The following TMPRSS2 variants were observed in gnomAD, a reference collection of about 807,000 sequenced individuals.
TMPRSS2 encodes transmembrane serine protease 2, also known as transmembrane protease serine 2.
In TMPRSS2, 59 loss-of-function variants were observed where a neutral mutation model predicts 67.4. The ratio of observed to expected loss-of-function variants is 0.88; its 90% CI spans 0.71 to 1.09. The LOEUF (loss-of-function observed/expected upper bound fraction) is 1.09, where lower values mean the gene tolerates loss of function less well. TMPRSS2 is among the 50% of genes least tolerant of loss of function. The pLI is 0.00. For synonymous variants in TMPRSS2, 257 were observed against 257.0 expected (o/e 1.00, Z 0.00); for missense variants, 668 against 642.7 (o/e 1.04, Z -0.43).
At chr21:41,468,659 C>T (rs1249362402) in intron 11 of TMPRSS2, 121 bp from the exon 12 acceptor site, 5 of 1,163,016 alleles carry the variant, frequency 4.3e-6, no homozygotes, top group Admixed American at 4.7e-5. Context: ...TATTTTCCAG[C>T]CCTGCCCCGG....
intron 7 of TMPRSS2, among the ~76,000 whole-genome samples, chr21:41,477,949 C>T (rs2091227939): frequency 6.6e-6 from 1 of 152,148 alleles, no homozygotes; most frequent in South Asian, 2.1e-4. Flanking sequence ...CTTCCAAGCC[C>T]TCCAGCCTCC....
intron 2 of TMPRSS2, among the ~76,000 whole-genome samples, chr21:41,496,917 C>T (rs537935645): frequency 3.4e-5 from 5 of 146,912 alleles, no homozygotes; most frequent in East Asian, 2.0e-4. Context: ...CTTGGCTCAC[C>T]GCAACCTCTG....
intron 3 of TMPRSS2, among the ~76,000 whole-genome samples, chr21:41,493,036 C>T (rs577570888): frequency 3.9e-5 from 6 of 152,292 alleles, no homozygotes; most frequent in Admixed American, 2.0e-4. Context: ...TTGTGCCTTG[C>T]GGGAGGTTGA....
In TMPRSS2 at chr21:41,479,266, T is replaced by C. The variant is rs1357188580; in HGVS notation, c.589A>G (p.Ser197Gly). The change falls in exon 7 of 14, where the codon AGC (serine) becomes GGC (glycine). Residue 197 changes from serine to glycine, a missense_variant. Physicochemically the swap from Ser to Gly is moderately conservative, Grantham distance 56. Coordinates refer to ENST00000332149, the MANE Select transcript of TMPRSS2 (RefSeq NM_005656.4). ...CCGCTGTCATCCACTATTCCTTGGCTAGAGTAAAAATTATTCCTAAAAAAG... is the reference window on the plus strand; with the variant it reads ...CCGCTGTCATCCACTATTCCTTGGCCAGAGTAAAAATTATTCCTAAAAAAG... ...DMGYKNNFYS[S>G]QGIVDDSGST... 1 of 1,613,658 alleles carries C rather than the reference T, an allele frequency of 6.2e-7. No homozygotes were observed.
rs778525582 is a variant in TMPRSS2, at chr21:41,473,392, C to T, written c.832G>A (p.Val278Ile). 12 of 1,610,026 alleles carry T rather than the reference C, an allele frequency of 7.5e-6. No individual in the cohort carries two copies. The highest frequency in any genetic ancestry group is 2.7e-5 in the African/African-American group (2 of 74,888). The change falls in exon 9 of 14, where the codon GTC (valine) becomes ATC (isoleucine). Residue 278 changes from valine (V) to isoleucine (I), a missense_variant. Coordinates refer to ENST00000332149, the MANE Select transcript of TMPRSS2 (RefSeq NM_005656.4). ...ATGATGGAGCCTCCGCACACGTGGA[C>T]GTTCTGGACGTGCAGGCTGACCTGC... The part of the protein sequence containing the change: ...PWQVSLHVQN[V>I]HVCGGSIITP...
rs748571451 is a variant in TMPRSS2, at chr21:41,480,525, C to A, written c.523G>T (p.Asp175Tyr). Residue 175 changes from aspartate (D) to tyrosine (Y), a missense_variant, in exon 6 of 14, where the codon GAC (aspartate) becomes TAC (tyrosine). Asp to Tyr is a radical substitution (Grantham distance 160, BLOSUM62 -3). Transcript: ENST00000332149. ...GCCCGCCCGTAGTTCTCGTTCCAGT[C>A]GTCTTGGCACACAGGGTGCCAGGAC... ...RKSWHPVCQDDWNENYGRAAC... is the reference protein window; with the variant it reads ...RKSWHPVCQDYWNENYGRAAC... 5 of 1,613,734 alleles carry A rather than the reference C, an allele frequency of 3.1e-6. No homozygotes were observed. Among genetic ancestry groups the A allele is most frequent in the South Asian group, 1.1e-5 (1 of 91,070 alleles).
chr21:41,476,205 G>GC (rs2146444181), intron 8 of TMPRSS2, among the ~76,000 whole-genome samples: 2 of 152,298 alleles, frequency 1.3e-5, no homozygotes, highest in South Asian at 4.1e-4. Flanking sequence ...CTGGACCACA[G>GC]CCCCGCAGAT....
intron 11 of TMPRSS2, among the ~76,000 whole-genome samples, chr21:41,470,232 C>T (rs2091120002): frequency 6.6e-6 from 1 of 152,162 alleles, no homozygotes; most frequent in Non-Finnish European, 1.5e-5. Flanking sequence ...CTGTGGTTAT[C>T]AGGGCAGAGG....
At chr21:41,473,778 G>A (rs374850529) in intron 8 of TMPRSS2, among the ~76,000 whole-genome samples, 6 of 150,668 alleles carry the variant, frequency 4.0e-5, no homozygotes, top group African/African-American at 9.8e-5. Context: ...AGGCCCTGGG[G>A]ACTCCTTGAG....
Position 41,480,616 on chromosome 21 carries a change from AG to A in TMPRSS2, c.446-15del, listed in dbSNP as rs2091249553. 18 of 1,613,256 alleles carry A rather than the reference AG, an allele frequency of 1.1e-5. No individual in the cohort carries two copies. The highest frequency in any genetic ancestry group is 1.4e-5 in the Non-Finnish European group (17 of 1,179,920). On this transcript the variant is annotated splice_polypyrimidine_tract_variant and intron_variant, in intron 5 of 13. Transcript: ENST00000332149. Reference sequence around the variant, plus strand: ...CGTAGAGGCGAACTGCACGAGAGGGAGGATTATCCATGAGTTTCTTTCTTTT... The same window carrying A: ...CGTAGAGGCGAACTGCACGAGAGGGAGATTATCCATGAGTTTCTTTCTTTT...
At position 41,478,009 on chromosome 21, in the gene TMPRSS2, C is replaced by T. The variant is rs1023824502; in HGVS notation, c.683+1163G>A. 3.3e-5 allele frequency among the ~76,000 whole-genome samples: 5 copies of T among 152,196 alleles called. No individual in the cohort carries two copies. In the South Asian group the frequency reaches 6.2e-4, roughly 19 times the overall value. ...AAGGGACGGCAGCACCTCCTCCCCTCCCCCCGTCCCTGCCCGGCTGGACTT... is the reference window on the plus strand; with the variant it reads ...AAGGGACGGCAGCACCTCCTCCCCTTCCCCCGTCCCTGCCCGGCTGGACTT... On this transcript the variant is annotated intron_variant, in intron 7 of 13. Coordinates refer to ENST00000332149, the MANE Select transcript of TMPRSS2 (RefSeq NM_005656.4). This position sits in a 1 kb window ranked among gnomAD's most constrained non-coding sequence, Gnocchi z 4.0.
At position 41,507,862 on chromosome 21, in the gene TMPRSS2, AG is replaced by A. The variant is rs2091469306; in HGVS notation, c.-57+218del. 11 of 1,403,394 alleles carry A rather than the reference AG, an allele frequency of 7.8e-6. No individual in the cohort carries two copies. The African/African-American group carries it at 1.1e-4, about 13-fold the overall frequency. The allele number at this position is 1,403,394 out of a possible 1,614,324, so 86.9% of individuals were successfully genotyped here. A position where few individuals can be genotyped will look rare whatever the true frequency, so the allele number is the denominator to read the frequency against. On this transcript the variant is annotated intron_variant, in intron 1 of 13. Coordinates refer to ENST00000332149, the MANE Select transcript of TMPRSS2 (RefSeq NM_005656.4). The stretch of plus-strand genomic sequence containing the variant: ...CGGCGAGGGCTCTCGGCCGTGCGCA[AG>A]GGGTCCCAGGCGCCCAGCACTCTCC...
intron 5 of TMPRSS2, among the ~76,000 whole-genome samples, chr21:41,485,081 C>CGTGTGTGTGTGTGTGT (rs10668560): frequency 7.1e-6 from 1 of 140,254 alleles, no homozygotes; most frequent in African/African-American, 2.7e-5. Flanking sequence ...GGGAGTGATG[C>CGTGTGTGTGTGTGTGT]GTGTGTGTGT....
At chr21:41,502,381 G>A (rs545042150) in intron 1 of TMPRSS2, 151 of 985,222 alleles carry the variant, frequency 1.5e-4, no homozygotes, top group Non-Finnish European at 1.8e-4. Flanking sequence ...ACCTCACCGT[G>A]CACCATTGTG....
intron 1 of TMPRSS2, 154 bp downstream of exon 1, chr21:41,507,927 G>C: frequency 6.7e-7 from 1 of 1,492,740 alleles, no homozygotes. Context: ...TGGCCCCAGC[G>C]CTCGACCCTC....
At chr21:41,468,062 G>A in intron 12 of TMPRSS2, 176 bp from the exon 13 acceptor site, 1 of 664,160 alleles carries the variant, frequency 1.5e-6, no homozygotes, top group South Asian at 1.9e-5. Flanking sequence ...AACCCCCAAA[G>A]AGATAGCCCC....
intron 1 of TMPRSS2, 109 bp from the exon 2 acceptor site, chr21:41,498,298 G>A (rs2091400159): frequency 2.9e-6 from 2 of 696,594 alleles, no homozygotes; most frequent in Admixed American, 2.7e-5. Flanking sequence ...CTACAACAAA[G>A]ACCAGTGTTG....
chr21:41,490,898 G>C (rs764632035), intron 3 of TMPRSS2, among the ~76,000 whole-genome samples: 7 of 152,182 alleles, frequency 4.6e-5, no homozygotes, highest in African/African-American at 7.2e-5. Context: ...TCCCAGGCTG[G>C]AGAGGTGGTG....
intron 4 of TMPRSS2, 65 bp downstream of exon 4, chr21:41,489,442 G>A (rs1205787825): frequency 3.6e-6 from 5 of 1,397,620 alleles, no homozygotes; most frequent in Middle Eastern, 1.8e-4. Context: ...CCAGAGAGCA[G>A]GGTCTGGCTC....
Sources: gnomAD v4.1 joint callset for allele counts (sites outside exome capture counted in the v4.1 genomes callset) on GRCh38, gnomAD v4.1.1 for gene constraint, Gnocchi (gnomAD v3.1) non-coding constraint, MANE v1.5 for transcripts, NCBI Gene and HGNC (gene_info 2026-07-23, HGNC 2026-07-21) for gene names.